The following ITPR2 variants were observed in gnomAD, a reference collection of about 807,000 sequenced individuals.
ITPR2 encodes the protein inositol 1,4,5-trisphosphate receptor type 2, also known as inositol 1,4,5-trisphosphate-gated calcium channel ITPR2.
A neutral mutation model predicts 317.1 loss-of-function variants in ITPR2; 207 were observed. The observed-to-expected ratio is 0.65, with a 90% confidence interval of 0.58 to 0.73. The LOEUF is 0.73. Ranked by LOEUF, ITPR2 falls within the 30% of genes least tolerant of loss-of-function variation. ITPR2 has a pLI of 0.00. For synonymous variants in ITPR2, 1,156 were observed against 1,149.1 expected, an observed-to-expected ratio of 1.01 and a Z score of -0.12; for missense variants, 2,613 against 3,284.0, an observed-to-expected ratio of 0.80 and a Z score of 4.99.
At chr12:26,515,141 A>G (rs1391040433) in intron 37 of ITPR2, among the ~76,000 whole-genome samples, 1 of 152,246 alleles carries the variant, frequency 6.6e-6, no homozygotes, top group East Asian at 1.9e-4. Flanking sequence ...GCAAAATAAC[A>G]AGAAAGAACA....
intron 10 of ITPR2, among the ~76,000 whole-genome samples, chr12:26,687,919 T>C (rs1261864257): frequency 6.6e-6 from 1 of 152,164 alleles, no homozygotes; most frequent in Non-Finnish European, 1.5e-5. Context: ...AGTTTCTTAT[T>C]TGTAAATATA....
intron 32 of ITPR2, among the ~76,000 whole-genome samples, chr12:26,590,762 C>T (rs116349788): frequency 2.1e-3 from 318 of 152,056 alleles, no homozygotes; most frequent in African/African-American, 7.3e-3. Context: ...AAAGCAAAAA[C>T]GGAAAAATGG....
chr12:26,606,139 G>A (rs1042534886), intron 26 of ITPR2, among the ~76,000 whole-genome samples: 1 of 151,180 alleles, frequency 6.6e-6, no homozygotes, highest in African/African-American at 2.4e-5. Context: ...TTAGAAAAGT[G>A]CAAAATGTAG....
intron 47 of ITPR2, among the ~76,000 whole-genome samples, chr12:26,437,506 C>T (rs1941383857): frequency 6.6e-6 from 1 of 152,012 alleles, no homozygotes; most frequent in South Asian, 2.1e-4. Flanking sequence ...ATTAGGAGTC[C>T]TCATTTTTAA....
At chr12:26,694,041 T>A (rs1948288448) in intron 10 of ITPR2, among the ~76,000 whole-genome samples, 1 of 152,210 alleles carries the variant, frequency 6.6e-6, no homozygotes, top group Non-Finnish European at 1.5e-5. Flanking sequence ...CCCTACACGA[T>A]GCTGAAGAAG....
chr12:26,673,039 G>GGAAATCATCATTCTCAGTAAACTA, intron 13 of ITPR2, among the ~76,000 whole-genome samples: 1 of 152,300 alleles, frequency 6.6e-6, no homozygotes, highest in Non-Finnish European at 1.5e-5. Context: ...AGCTGAAATT[G>GGAAATCATCATTCTCAGTAAACTA]TGGCAATAAT....
At chr12:26,700,790 A>T (rs776967436) in intron 9 of ITPR2, among the ~76,000 whole-genome samples, 2 of 152,206 alleles carry the variant, frequency 1.3e-5, no homozygotes, top group Admixed American at 1.3e-4. Context: ...GGTGGACCCA[A>T]ATGAAGATAA....
At chr12:26,753,237 T>C (rs943072955) in intron 2 of ITPR2, among the ~76,000 whole-genome samples, 1 of 152,160 alleles carries the variant, frequency 6.6e-6, no homozygotes, top group Non-Finnish European at 1.5e-5. Context: ...CTTAGGGGGT[T>C]AAAGGCCTCT....
intron 37 of ITPR2, among the ~76,000 whole-genome samples, chr12:26,512,847 G>A (rs556186941): frequency 5.5e-5 from 8 of 144,800 alleles, no homozygotes; most frequent in African/African-American, 2.1e-4. Context: ...TTTTGAGACA[G>A]AGTTTTGCTC....
chr12:26,678,675 T>C (rs1344522642), intron 13 of ITPR2, among the ~76,000 whole-genome samples: 1 of 152,238 alleles, frequency 6.6e-6, no homozygotes, highest in Non-Finnish European at 1.5e-5. Context: ...TCAATAATTG[T>C]ACCTTCATAT....
chr12:26,452,707 AGGCTGCTTCG>A, intron 45 of ITPR2, among the ~76,000 whole-genome samples: 1 of 152,298 alleles, frequency 6.6e-6, no homozygotes, highest in East Asian at 1.9e-4. Flanking sequence ...TTATGCAGGA[AGGCTGCTTCG>A]GGCTTTGCCA....
At chr12:26,361,588 G>C (rs551193222) in intron 55 of ITPR2, among the ~76,000 whole-genome samples, 9 of 152,240 alleles carry the variant, frequency 5.9e-5, no homozygotes, top group East Asian at 1.9e-4. Flanking sequence ...CTAAGATACA[G>C]GTGGCTTTAG....
chr12:26,648,309 C>T (rs1276525661), intron 21 of ITPR2, among the ~76,000 whole-genome samples: 2 of 152,318 alleles, frequency 1.3e-5, no homozygotes, highest in East Asian at 3.9e-4. Context: ...CTTCTGCTCT[C>T]CTGCGTCTGA....
chr12:26,826,910 G>A (rs1592164282), intron 1 of ITPR2, among the ~76,000 whole-genome samples: 1 of 152,262 alleles, frequency 6.6e-6, no homozygotes, highest in South Asian at 2.1e-4. Context: ...CTGACCATTG[G>A]TCAAGTTGAC....
chr12:26,428,066 C>G lies in ITPR2; in HGVS notation c.6792G>C (p.Ser2264=). ...GDEGTLSPLF[S]VLLWIAVAIC... ...TCGCAACTGCTATCCAAAGAAGAAC[C>G]GAGAACAATGGAGAAAGTGTACCTG... Residue 2264 remains serine (S), a synonymous_variant, in exon 49 of 57, where the codon TCG becomes TCC. Coordinates refer to ENST00000381340, the MANE Select transcript of ITPR2 (RefSeq NM_002223.4). 6.2e-7 allele frequency: 1 copy of G among 1,601,810 alleles called. No homozygotes were observed. The highest frequency in any genetic ancestry group is 8.5e-7 in the Non-Finnish European group (1 of 1,175,222).
intron 15 of ITPR2, among the ~76,000 whole-genome samples, chr12:26,660,443 A>G (rs974339821): frequency 1.3e-5 from 2 of 152,204 alleles, no homozygotes; most frequent in African/African-American, 2.4e-5. Context: ...CCCTTCCACC[A>G]TGAAAGGTTC....
intron 21 of ITPR2, among the ~76,000 whole-genome samples, chr12:26,633,358 A>G (rs909472746): frequency 6.6e-6 from 1 of 152,238 alleles, no homozygotes; most frequent in Non-Finnish European, 1.5e-5. Flanking sequence ...TTATCTGTAT[A>G]TGGAATCAAT....
At chr12:26,362,110 G>A (rs1938848693) in intron 55 of ITPR2, among the ~76,000 whole-genome samples, 1 of 152,170 alleles carries the variant, frequency 6.6e-6, no homozygotes, top group South Asian at 2.1e-4. Flanking sequence ...GTGGTTCAGG[G>A]GCTGGAGGGT....
intron 21 of ITPR2, among the ~76,000 whole-genome samples, chr12:26,643,742 A>G (rs183926994): frequency 2.0e-5 from 3 of 152,354 alleles, no homozygotes; most frequent in Admixed American, 2.0e-4. Context: ...CAGAGATGAA[A>G]TTGAATATTT....
Sources: allele counts gnomAD v4.1 joint callset (sites outside exome capture counted in the v4.1 genomes callset), GRCh38; gene constraint gnomAD v4.1.1; transcripts MANE v1.5; gene names NCBI Gene and HGNC (gene_info 2026-07-23, HGNC 2026-07-21).